The following MINDY2 variants were observed in gnomAD, a reference collection of about 807,000 sequenced individuals.
MINDY2 encodes MINDY lysine 48 deubiquitinase 2, also known as ubiquitin carboxyl-terminal hydrolase MINDY-2.
MINDY2 carries 52 observed loss-of-function variants against 68.2 expected under a neutral mutation model. The observed-to-expected ratio is 0.76, with a 90% CI of 0.61 to 0.96. The LOEUF is 0.96. Among genes scored for constraint, MINDY2 ranks in the 40% least tolerant of loss-of-function variants. The probability of loss-of-function intolerance (pLI) is 0.00; values close to 1 mark genes in which losing one functional copy is unlikely to be tolerated. For missense variants in MINDY2, 881 were observed against 773.4 expected, an observed-to-expected ratio of 1.14 and a Z score of -1.65; for synonymous variants, 372 against 303.0, an observed-to-expected ratio of 1.23 and a Z score of -2.36.
In MINDY2 at chr15:58,850,932, C is replaced by G. The variant is rs180723687; in HGVS notation, c.1543-839C>G. On this transcript the variant is annotated intron_variant, in intron 7 of 8. Transcript: ENST00000559228. ...TTTTGTTTTTAGCTTTCTTGGCTGC[C>G]TATATATGGCTTCCAGAAAAAATTT... Among the ~76,000 whole-genome samples, 572 of 151,930 alleles carry G rather than the reference C, an allele frequency of 3.8e-3. 4 individuals are homozygous for G. The highest frequency in any genetic ancestry group is 0.013 in the African/African-American group (546 of 41,462).
chr15:58,827,999 G>A (rs1407635849), intron 5 of MINDY2, among the ~76,000 whole-genome samples: 1 of 151,816 alleles, frequency 6.6e-6, no homozygotes, highest in African/African-American at 2.4e-5. Context: ...TTGGGAGGCC[G>A]AGGTGGGTGG....
In MINDY2 at chr15:58,858,199, T is replaced by G. The variant is rs1485850282; in HGVS notation, c.*3589T>G. On this transcript the variant is annotated 3_prime_UTR_variant, in exon 9 of 9. Transcript: ENST00000559228. ...ACTTCTTCCATGTTTCAAGGTCAGGTTCAGAGTTGAATGAAGTGTAGATTT... is the reference window on the plus strand; with the variant it reads ...ACTTCTTCCATGTTTCAAGGTCAGGGTCAGAGTTGAATGAAGTGTAGATTT... 15 of 152,164 alleles carry G rather than the reference T, an allele frequency of 9.9e-5. No individual in the cohort carries two copies. The East Asian group carries it at 2.9e-3, about 29-fold the overall frequency. 9.4% of individuals were successfully genotyped at this position (152,164 alleles called of 1,614,324 possible).
intron 1 of MINDY2, among the ~76,000 whole-genome samples, chr15:58,778,802 CTTTTTTTCTTTTTTTTTTTT>C (rs1459156248): frequency 1.6e-5 from 2 of 127,210 alleles, no homozygotes; most frequent in African/African-American, 6.6e-5. Context: ...AATTTTTTTT[CTTTTTTTCTTTTTTTTTTTT>C]TTTTTTTTGA....
At chr15:58,806,409 T>G (rs1229064917) in intron 3 of MINDY2, among the ~76,000 whole-genome samples, 1 of 150,658 alleles carries the variant, frequency 6.6e-6, no homozygotes. Context: ...TTTGTCTGGT[T>G]TGCCGTGGTG....
rs78851944 is a variant in MINDY2, at chr15:58,852,946, T to G, written c.1737+981T>G. ...TGTTTTTTTTTTTTTTTTTTTTTTT[T>G]TTTTTTTTTTTTTTTTTTTTTTTTA... On this transcript the variant is annotated intron_variant, in intron 8 of 8. Transcript: ENST00000559228. Among the ~76,000 whole-genome samples, 118 of 43,722 alleles carry G rather than the reference T, an allele frequency of 2.7e-3. 5 individuals are homozygous for G. The highest frequency in any genetic ancestry group is 3.6e-3 in the African/African-American group (56 of 15,526). 28.7% of individuals were successfully genotyped at this position (43,722 alleles called of 152,430 possible).
intron 1 of MINDY2, among the ~76,000 whole-genome samples, chr15:58,782,718 A>ATTGGCTTTGGTGTC (rs201519379): frequency 0.033 from 5,025 of 152,082 alleles, 89 homozygotes; most frequent in African/African-American, 0.048. Context: ...TAATTTGGTA[A>ATTGGCTTTGGTGTC]TTGGCTTTGG....
chr15:58,843,832 CA>C (rs34999651), intron 6 of MINDY2, among the ~76,000 whole-genome samples: 19,166 of 82,864 alleles, frequency 0.23, 759 homozygotes, highest in East Asian at 0.42. Flanking sequence ...GACTCTGTCT[CA>C]AAAAAAAAAA....
chr15:58,771,918 T>A lies in MINDY2; in HGVS notation c.523T>A (p.Ser175Thr), dbSNP rs374709665. 3.9e-6 allele frequency: 6 copies of A among 1,549,566 alleles called. No homozygotes were observed. The highest frequency in any genetic ancestry group is 1.7e-4 in the Middle Eastern group (1 of 5,766). ...SPPGESPSLD[S>T]LESFSNLHSF... The stretch of plus-strand genomic sequence containing the variant: ...TCCTGGGGAATCTCCGAGCCTGGAC[T>A]CTCTGGAGTCGTTCTCTAACCTGCA... Residue 175 changes from serine to threonine, a missense_variant, in exon 1 of 9, where the codon TCT (serine) becomes ACT (threonine). Physicochemically the swap from Ser to Thr is moderately conservative, Grantham distance 58. Coordinates refer to ENST00000559228, the MANE Select transcript of MINDY2 (RefSeq NM_001040450.3).
At chr15:58,778,274 C>T (rs1389112688) in intron 1 of MINDY2, among the ~76,000 whole-genome samples, 1 of 151,992 alleles carries the variant, frequency 6.6e-6, no homozygotes, top group African/African-American at 2.4e-5. Context: ...AAAATGAATG[C>T]ACTAATTTAA....
At chr15:58,826,626 T>C (rs1250834195) in intron 5 of MINDY2, among the ~76,000 whole-genome samples, 1 of 152,194 alleles carries the variant, frequency 6.6e-6, no homozygotes. Context: ...AACAAGGAAT[T>C]CTCTTATATA....
chr15:58,798,420 CA>C (rs760432142), intron 2 of MINDY2, among the ~76,000 whole-genome samples: 1 of 151,758 alleles, frequency 6.6e-6, no homozygotes, highest in Non-Finnish European at 1.5e-5. Flanking sequence ...CCACCACACC[CA>C]GACCTTTTCT....
At chr15:58,803,154 G>A (rs1403654289) in intron 3 of MINDY2, among the ~76,000 whole-genome samples, 4 of 152,130 alleles carry the variant, frequency 2.6e-5, no homozygotes, top group African/African-American at 9.7e-5. Flanking sequence ...AGATAATCTA[G>A]TCTTAATAAA....
At chr15:58,843,054 G>A (rs2032356562) in intron 6 of MINDY2, among the ~76,000 whole-genome samples, 4 of 152,156 alleles carry the variant, frequency 2.6e-5, no homozygotes. Flanking sequence ...TCTTAGAAAT[G>A]TATAAATTTT....
Position 58,855,319 on chromosome 15 carries a change from T to C in MINDY2, c.*709T>C, listed in dbSNP as rs189941478. On this transcript the variant is annotated 3_prime_UTR_variant, in exon 9 of 9. Coordinates refer to ENST00000559228, the MANE Select transcript of MINDY2 (RefSeq NM_001040450.3). ...TATCAATATCAGATATTAATGACTTTGTAGTGTTGTAAAATTTTGAGGAAT... is the reference window on the plus strand; with the variant it reads ...TATCAATATCAGATATTAATGACTTCGTAGTGTTGTAAAATTTTGAGGAAT... The C allele has an allele frequency of 6.6e-6, 1 of 152,604 alleles. No individual in the cohort carries two copies. Among genetic ancestry groups the C allele is most frequent in the Non-Finnish European group, 1.5e-5 (1 of 68,018 alleles). 9.5% of individuals were successfully genotyped at this position (152,604 alleles called of 1,614,324 possible).
chr15:58,825,571 T>TTGTC (rs2031344091), intron 5 of MINDY2, among the ~76,000 whole-genome samples: 2 of 151,970 alleles, frequency 1.3e-5, no homozygotes, highest in African/African-American at 4.8e-5. Flanking sequence ...TGGTTCTTTT[T>TTGTC]TGTCTGTTTG....
At chr15:58,806,605 A>G (rs1218109476) in intron 3 of MINDY2, among the ~76,000 whole-genome samples, 2 of 152,096 alleles carry the variant, frequency 1.3e-5, no homozygotes, top group African/African-American at 4.8e-5. Flanking sequence ...ATGGGGAATA[A>G]TTGTAGCAAA....
chr15:58,786,626 A>G (rs1362294325), intron 1 of MINDY2, among the ~76,000 whole-genome samples: 2 of 152,220 alleles, frequency 1.3e-5, no homozygotes, highest in Non-Finnish European at 2.9e-5. Context: ...ACATAGAAAA[A>G]TACATAAAAC....
In MINDY2 at chr15:58,771,377, T is replaced by TG; in HGVS notation, c.-14dup. 1.3e-6 allele frequency: 2 copies of TG among 1,594,830 alleles called. No homozygotes were observed. The highest frequency in any genetic ancestry group is 1.7e-6 in the Non-Finnish European group (2 of 1,172,576). ...GAAGTGGCCGCGGTCTCCATAGAGC[T>TG]GGGGGCGGGCGGCCCGGTATGGAGA... On this transcript the variant is annotated 5_prime_UTR_variant, in exon 1 of 9. Coordinates refer to ENST00000559228, the MANE Select transcript of MINDY2 (RefSeq NM_001040450.3).
At chr15:58,851,475 G>A (rs1346424776) in intron 7 of MINDY2, among the ~76,000 whole-genome samples, 1 of 150,646 alleles carries the variant, frequency 6.6e-6, no homozygotes, top group Non-Finnish European at 1.5e-5. Context: ...GTCTCTCTCT[G>A]TCACCCATGC....
Sources: gnomAD v4.1 joint callset for allele counts (sites outside exome capture counted in the v4.1 genomes callset) on GRCh38, gnomAD v4.1.1 for gene constraint, MANE v1.5 for transcripts, NCBI Gene and HGNC (gene_info 2026-07-23, HGNC 2026-07-21) for gene names.